XYLT1: variants seen among roughly 807,000 people sequenced by gnomAD.
XYLT1 encodes the protein xylosyltransferase 1.
A neutral mutation model predicts 91.3 loss-of-function variants in XYLT1; 36 were observed. The observed-to-expected ratio is 0.39, with a 90% CI of 0.30 to 0.52. The LOEUF (loss-of-function observed/expected upper bound fraction) is 0.52. Among genes scored for constraint, XYLT1 ranks in the 20% least tolerant of loss-of-function variants. XYLT1 has a pLI of 0.68. For missense variants in XYLT1, 1,242 were observed against 1,284.5 expected (o/e 0.97, Z 0.51); for synonymous variants, 588 against 532.0 (o/e 1.11, Z -1.45).
intron 1 of XYLT1, among the ~76,000 whole-genome samples, chr16:17,438,004 C>A (rs2036483243): frequency 6.6e-6 from 1 of 152,094 alleles, no homozygotes; most frequent in Non-Finnish European, 1.5e-5. Context: ...ACCCTCACAT[C>A]AAATGCGAAT....
intron 9 of XYLT1, among the ~76,000 whole-genome samples, chr16:17,129,093 A>AAAAAAAG (rs1555480054): frequency 6.6e-6 from 1 of 151,024 alleles, no homozygotes; most frequent in African/African-American, 2.4e-5. Context: ...AAAAAAAAAA[A>AAAAAAAG]AAAACTTGAA....
chr16:17,388,651 C>T (rs1302027061), intron 1 of XYLT1, among the ~76,000 whole-genome samples: 5 of 152,176 alleles, frequency 3.3e-5, no homozygotes, highest in African/African-American at 1.2e-4. Context: ...GGAAAAATCA[C>T]ACTACGGAGG....
At chr16:17,283,237 TAC>T (rs2034084288) in intron 2 of XYLT1, among the ~76,000 whole-genome samples, 1 of 152,208 alleles carries the variant, frequency 6.6e-6, no homozygotes, top group Non-Finnish European at 1.5e-5. Flanking sequence ...CAGATGTTAA[TAC>T]AGTTTGCTTT....
chr16:17,328,800 G>A (rs930950027), intron 2 of XYLT1, among the ~76,000 whole-genome samples: 4 of 152,048 alleles, frequency 2.6e-5, no homozygotes. Context: ...CACATTCAGC[G>A]TACTCTATTT....
chr16:17,261,768 A>G (rs999468187), intron 2 of XYLT1, among the ~76,000 whole-genome samples: 2 of 152,176 alleles, frequency 1.3e-5, no homozygotes, highest in Non-Finnish European at 2.9e-5. Flanking sequence ...CTGGGAGGTA[A>G]CAAGGTAGGA....
chr16:17,239,593 G>GTCCATCCA (rs575639109), intron 3 of XYLT1, among the ~76,000 whole-genome samples: 1 of 141,772 alleles, frequency 7.1e-6, no homozygotes, highest in Non-Finnish European at 1.5e-5. Context: ...CACCTAGTCC[G>GTCCATCCA]TCCATCCATC....
At chr16:17,139,406 G>C (rs2030893692) in intron 7 of XYLT1, among the ~76,000 whole-genome samples, 1 of 152,164 alleles carries the variant, frequency 6.6e-6, no homozygotes, top group South Asian at 2.1e-4. Context: ...AGACCCTGGA[G>C]TATATGTGCT....
At chr16:17,259,811 G>A (rs763663333) in intron 2 of XYLT1, among the ~76,000 whole-genome samples, 1 of 152,024 alleles carries the variant, frequency 6.6e-6, no homozygotes, top group Non-Finnish European at 1.5e-5. Context: ...TTTGCCACTG[G>A]GTAACAAACA....
intron 1 of XYLT1, among the ~76,000 whole-genome samples, chr16:17,370,703 C>T (rs752210786): frequency 6.6e-6 from 1 of 152,214 alleles, no homozygotes; most frequent in Non-Finnish European, 1.5e-5. Flanking sequence ...GTTCAGCCTG[C>T]ACAATGTTTT....
chr16:17,154,117 G>C (rs1002507497), intron 6 of XYLT1, among the ~76,000 whole-genome samples: 1 of 152,182 alleles, frequency 6.6e-6, no homozygotes, highest in East Asian at 1.9e-4. Flanking sequence ...CGCCCAGCGT[G>C]GGGCCTTCCT....
chr16:17,451,282 T>C (rs1469093334), intron 1 of XYLT1, among the ~76,000 whole-genome samples: 1 of 152,230 alleles, frequency 6.6e-6, no homozygotes, highest in Non-Finnish European at 1.5e-5. Context: ...CCTGTCCTTC[T>C]TCCCAAATGA....
At chr16:17,365,957 C>G (rs941538758) in intron 1 of XYLT1, among the ~76,000 whole-genome samples, 1 of 151,804 alleles carries the variant, frequency 6.6e-6, no homozygotes, top group Non-Finnish European at 1.5e-5. Flanking sequence ...CTTAGAATTA[C>G]AAGGTTTTGA....
At chr16:17,361,057 T>A (rs533645436) in intron 1 of XYLT1, among the ~76,000 whole-genome samples, 6 of 152,308 alleles carry the variant, frequency 3.9e-5, no homozygotes, top group Admixed American at 1.3e-4. Flanking sequence ...TGCCCTCTGG[T>A]CATGTGACTC....
intron 5 of XYLT1, among the ~76,000 whole-genome samples, chr16:17,167,593 A>G (rs1014602980): frequency 1.1e-4 from 17 of 148,810 alleles, no homozygotes; most frequent in Non-Finnish European, 2.4e-4. Context: ...CCATCCTTCC[A>G]TCTCGTGAAC....
intron 4 of XYLT1, among the ~76,000 whole-genome samples, chr16:17,199,804 A>G (rs2032499095): frequency 6.6e-6 from 1 of 152,144 alleles, no homozygotes; most frequent in Non-Finnish European, 1.5e-5. Context: ...ATCTTTCTTT[A>G]TAAATTACTC....
rs756204825 is a variant in XYLT1 at position 17,259,525 on chromosome 16, G to A, written c.403-27C>T. 1.9e-6 allele frequency: 3 copies of A among 1,593,840 alleles called. No homozygotes were observed. The South Asian group carries it at 3.3e-5, about 18-fold the overall frequency. On this transcript the variant is annotated intron_variant, in intron 2 of 11. Coordinates refer to ENST00000261381, the MANE Select transcript of XYLT1 (RefSeq NM_022166.4). ...TGGAGAAGAGGGGAGAGAAACAGAA[G>A]AGAAACTTGACTGAGAGATCATGCT...
intron 9 of XYLT1, among the ~76,000 whole-genome samples, chr16:17,133,801 G>GT (rs1164715691): frequency 6.6e-6 from 1 of 152,198 alleles, no homozygotes; most frequent in Non-Finnish European, 1.5e-5. Flanking sequence ...TTCCTGAAGT[G>GT]TTGGCAGTTA....
chr16:17,232,166 ATATAT>A (rs1477517044), intron 3 of XYLT1, among the ~76,000 whole-genome samples: 9 of 136,462 alleles, frequency 6.6e-5, no homozygotes, highest in Non-Finnish European at 9.7e-5. Flanking sequence ...ATTATATATA[ATATAT>A]TATACAATAT....
chr16:17,211,687 C>A (rs2032760197), intron 3 of XYLT1, among the ~76,000 whole-genome samples: 2 of 152,192 alleles, frequency 1.3e-5, no homozygotes, highest in South Asian at 4.1e-4. Context: ...GTTCTGACGT[C>A]AAATACCATG....
Sources: allele counts gnomAD v4.1 joint callset (sites outside exome capture counted in the v4.1 genomes callset), GRCh38; gene constraint gnomAD v4.1.1; transcripts MANE v1.5; gene names NCBI Gene and HGNC (gene_info 2026-07-23, HGNC 2026-07-21).